The following PPP3CC variants were observed in gnomAD, a reference collection of about 807,000 sequenced individuals.
PPP3CC encodes the protein protein phosphatase 3 catalytic subunit gamma, also known as serine/threonine-protein phosphatase 2B catalytic subunit gamma isoform.
PPP3CC carries 35 observed loss-of-function variants against 60.3 expected under a neutral mutation model. The ratio of observed to expected loss-of-function variants is 0.58; its 90% CI spans 0.44 to 0.77. PPP3CC has a LOEUF of 0.77. PPP3CC is among the 30% of genes least tolerant of loss of function. The pLI, the probability that PPP3CC is intolerant of heterozygous loss-of-function variation, is 0.00. For synonymous variants in PPP3CC, 206 were observed against 224.3 expected (o/e 0.92, Z 0.73); for missense variants, 570 against 628.9 (o/e 0.91, Z 1.00).
chr8:22,528,686 T>A, intron 10 of PPP3CC, 109 bp downstream of exon 10: 1 of 820,112 alleles, frequency 1.2e-6, no homozygotes, highest in Non-Finnish European at 1.8e-6. Flanking sequence ...ATAAAGTTAG[T>A]TCATTGTAGA....
intron 1 of PPP3CC, among the ~76,000 whole-genome samples, chr8:22,448,784 TGTC>T (rs76189772): frequency 4.1e-4 from 63 of 152,276 alleles, no homozygotes; most frequent in African/African-American, 1.4e-3. Context: ...TATGTTGAAA[TGTC>T]GTGATTTTTG....
At chr8:22,461,850 G>T (rs1837371385) in intron 1 of PPP3CC, among the ~76,000 whole-genome samples, 2 of 152,192 alleles carry the variant, frequency 1.3e-5, no homozygotes, top group African/African-American at 4.8e-5. Flanking sequence ...ACAGCCAGTA[G>T]TTTTGCCTCT....
At chr8:22,482,244 T>A (rs564117006) in intron 3 of PPP3CC, among the ~76,000 whole-genome samples, 2 of 152,352 alleles carry the variant, frequency 1.3e-5, no homozygotes, top group Admixed American at 1.3e-4. Flanking sequence ...CATGAGAGGG[T>A]ATCTCATTGT....
In PPP3CC at chr8:22,513,280, G is replaced by A; in HGVS notation, c.631-13G>A. 1.9e-6 allele frequency: 3 copies of A among 1,600,186 alleles called. No individual in the cohort carries two copies. The highest frequency in any genetic ancestry group is 2.6e-6 in the Non-Finnish European group (3 of 1,175,816). On this transcript the variant is annotated splice_polypyrimidine_tract_variant and intron_variant, in intron 5 of 13. Coordinates refer to ENST00000240139, the MANE Select transcript of PPP3CC (RefSeq NM_005605.5). The stretch of plus-strand genomic sequence containing the variant: ...TCCTGATTTTTTTCTTTTGGCTTTT[G>A]TGTGTCTTCTAGTTAGACAGGTTTA...
rs371643935 is a variant in PPP3CC, at chr8:22,475,638, T to C, written c.372+14T>C. On this transcript the variant is annotated intron_variant, in intron 3 of 13. Coordinates refer to ENST00000240139, the MANE Select transcript of PPP3CC (RefSeq NM_005605.5). Reference sequence around the variant, plus strand: ...TTCAGTATAGAGGTAAAAATTAAACTGGATATGTTGGGACTATTATATTGT... The same window carrying C: ...TTCAGTATAGAGGTAAAAATTAAACCGGATATGTTGGGACTATTATATTGT... 7.5e-6 allele frequency: 12 copies of C among 1,605,470 alleles called. No individual in the cohort carries two copies. Among genetic ancestry groups the C allele is most frequent in the Non-Finnish European group, 8.5e-6 (10 of 1,175,162 alleles).
intron 12 of PPP3CC, 45 bp downstream of exon 12, chr8:22,533,063 C>G (rs748986387): frequency 2.3e-5 from 32 of 1,401,988 alleles, no homozygotes; most frequent in Middle Eastern, 3.6e-4. Context: ...CTCCCGTTAC[C>G]TAACAGTCAG....
At chr8:22,461,582 C>T (rs889749215) in intron 1 of PPP3CC, among the ~76,000 whole-genome samples, 5 of 151,990 alleles carry the variant, frequency 3.3e-5, no homozygotes, top group African/African-American at 1.2e-4. Context: ...CCACCAGTTT[C>T]CTGCCATGGG....
chr8:22,460,392 A>T (rs181492579), intron 1 of PPP3CC, among the ~76,000 whole-genome samples: 7 of 152,180 alleles, frequency 4.6e-5, no homozygotes, highest in African/African-American at 1.7e-4. Flanking sequence ...GAGTCTCGCT[A>T]TGTTGCCCAG....
intron 3 of PPP3CC, among the ~76,000 whole-genome samples, chr8:22,492,283 T>G (rs1838428846): frequency 6.6e-6 from 1 of 152,060 alleles, no homozygotes; most frequent in Admixed American, 6.5e-5. Flanking sequence ...TATAAAGTAC[T>G]TATCATGAAT....
intron 1 of PPP3CC, 44 bp downstream of exon 1, chr8:22,441,502 G>T (rs1348427950): frequency 6.7e-7 from 1 of 1,503,748 alleles, no homozygotes; most frequent in Non-Finnish European, 8.9e-7. Context: ...GCGGGAAACG[G>T]CCTTCGGCTG....
intron 1 of PPP3CC, among the ~76,000 whole-genome samples, chr8:22,472,497 A>C (rs1487693622): frequency 6.6e-6 from 1 of 151,706 alleles, no homozygotes; most frequent in Non-Finnish European, 1.5e-5. Flanking sequence ...CAGGAGCAGT[A>C]ACAGGCATGG....
intron 1 of PPP3CC, among the ~76,000 whole-genome samples, chr8:22,470,776 G>T (rs1438742740): frequency 6.6e-6 from 1 of 152,208 alleles, no homozygotes; most frequent in Non-Finnish European, 1.5e-5. Flanking sequence ...TGTTGACAAG[G>T]ATATGAAGTA....
intron 1 of PPP3CC, among the ~76,000 whole-genome samples, chr8:22,456,128 G>A (rs1017548015): frequency 5.9e-5 from 9 of 152,162 alleles, no homozygotes; most frequent in African/African-American, 2.2e-4. Flanking sequence ...TAGCTATTTA[G>A]GCAAATCCTA....
chr8:22,475,844 C>T (rs1837872521), intron 3 of PPP3CC, among the ~76,000 whole-genome samples: 2 of 152,084 alleles, frequency 1.3e-5, no homozygotes, highest in Admixed American at 6.5e-5. Context: ...TTAATATTAA[C>T]CCAATTTTAC....
intron 3 of PPP3CC, among the ~76,000 whole-genome samples, chr8:22,489,407 G>T (rs572238748): frequency 6.6e-6 from 1 of 151,168 alleles, no homozygotes; most frequent in Non-Finnish European, 1.5e-5. Context: ...GTATACACAT[G>T]CTTCTACTGT....
Position 22,502,395 on chromosome 8 carries a change from G to C in PPP3CC, c.484+4283G>C, listed in dbSNP as rs57274436. ...ATGGAATGCTAGGCAGCTATTGAAAGACCAAGGTGGCCGGGTGCAGTGGCT... is the reference window on the plus strand; with the variant it reads ...ATGGAATGCTAGGCAGCTATTGAAACACCAAGGTGGCCGGGTGCAGTGGCT... On this transcript the variant is annotated intron_variant, in intron 4 of 13. Coordinates refer to ENST00000240139, the MANE Select transcript of PPP3CC (RefSeq NM_005605.5). Among the ~76,000 whole-genome samples the C allele has an allele frequency of 6.1e-3, 930 of 152,328 alleles. 7 individuals are homozygous for C. Among genetic ancestry groups the C allele is most frequent in the African/African-American group, 0.021 (890 of 41,570 alleles).
chr8:22,451,256 CT>C, intron 1 of PPP3CC, among the ~76,000 whole-genome samples: 1 of 152,136 alleles, frequency 6.6e-6, no homozygotes, highest in Admixed American at 6.5e-5. Flanking sequence ...CTGCCCCAGC[CT>C]CCCGAGTAGC....
At chr8:22,515,479 A>G (rs1294572427) in intron 6 of PPP3CC, among the ~76,000 whole-genome samples, 1 of 152,212 alleles carries the variant, frequency 6.6e-6, no homozygotes, top group Middle Eastern at 3.2e-3. Context: ...TTTCTTTTAT[A>G]TACATACATA....
At chr8:22,454,888 C>T (rs1384045857) in intron 1 of PPP3CC, among the ~76,000 whole-genome samples, 1 of 151,514 alleles carries the variant, frequency 6.6e-6, no homozygotes, top group Non-Finnish European at 1.5e-5. Flanking sequence ...AACCCCATCT[C>T]TACTAAAAAT....
Sources: allele counts gnomAD v4.1 joint callset (sites outside exome capture counted in the v4.1 genomes callset), GRCh38; gene constraint gnomAD v4.1.1; transcripts MANE v1.5; gene names NCBI Gene and HGNC (gene_info 2026-07-23, HGNC 2026-07-21).